The following RAB31 variants were observed in gnomAD, a reference collection of about 807,000 sequenced individuals.
RAB31 encodes the protein RAB31, member RAS oncogene family.
In RAB31, 21 loss-of-function variants were observed where a neutral mutation model predicts 25.6. The observed-to-expected ratio is 0.82, with a 90% CI of 0.58 to 1.18. The LOEUF (loss-of-function observed/expected upper bound fraction) is 1.18, where lower values mean the gene tolerates loss of function less well. Ranked by LOEUF, RAB31 falls within the 50% of genes most tolerant of loss-of-function variation. The pLI, the probability that RAB31 is intolerant of heterozygous loss-of-function variation, is 0.00. For synonymous variants in RAB31, 87 were observed against 84.0 expected (o/e 1.04, Z -0.20); for missense variants, 196 against 250.1 (o/e 0.78, Z 1.46).
intron 3 of RAB31, among the ~76,000 whole-genome samples, chr18:9,795,097 G>A (rs887976029): frequency 1.3e-5 from 2 of 152,138 alleles, no homozygotes; most frequent in Non-Finnish European, 2.9e-5. Context: ...AATACTTACA[G>A]TCAACTGATC....
At chr18:9,844,320 G>A (rs1165352079) in intron 5 of RAB31, among the ~76,000 whole-genome samples, 1 of 152,164 alleles carries the variant, frequency 6.6e-6, no homozygotes, top group Non-Finnish European at 1.5e-5. Context: ...CCCCAGCAGT[G>A]CTGGGTGCAG....
intron 6 of RAB31, among the ~76,000 whole-genome samples, chr18:9,853,646 G>A (rs2068800066): frequency 2.0e-5 from 3 of 152,154 alleles, no homozygotes; most frequent in South Asian, 4.1e-4. Flanking sequence ...AATATACAGT[G>A]CCAAAACGGA....
At chr18:9,828,633 A>G (rs2068662102) in intron 5 of RAB31, among the ~76,000 whole-genome samples, 1 of 152,226 alleles carries the variant, frequency 6.6e-6, no homozygotes, top group Non-Finnish European at 1.5e-5. Context: ...CTTTTTACTA[A>G]GAATAATAAA....
intron 6 of RAB31, among the ~76,000 whole-genome samples, chr18:9,857,206 T>G (rs1165440578): frequency 6.6e-6 from 1 of 152,202 alleles, no homozygotes. Flanking sequence ...CTTTTGAGTT[T>G]GGAGTTAAAT....
intron 5 of RAB31, among the ~76,000 whole-genome samples, chr18:9,835,630 G>C (rs118098936): frequency 6.6e-6 from 1 of 152,152 alleles, no homozygotes; most frequent in Non-Finnish European, 1.5e-5. Flanking sequence ...TTCTTTGCTG[G>C]TACACGGTTG....
At chr18:9,809,695 G>T (rs1304562989) in intron 3 of RAB31, among the ~76,000 whole-genome samples, 2 of 152,140 alleles carry the variant, frequency 1.3e-5, no homozygotes, top group African/African-American at 2.4e-5. Flanking sequence ...AAATTTATGT[G>T]TCCATTCTTT....
At chr18:9,729,652 C>G (rs1443246980) in intron 1 of RAB31, among the ~76,000 whole-genome samples, 1 of 150,930 alleles carries the variant, frequency 6.6e-6, no homozygotes, top group East Asian at 1.9e-4. Context: ...AGTCTCCCCT[C>G]CCCCACCCCC....
intron 5 of RAB31, among the ~76,000 whole-genome samples, chr18:9,843,670 C>T (rs938298999): frequency 6.6e-6 from 1 of 152,052 alleles, no homozygotes; most frequent in South Asian, 2.1e-4. Flanking sequence ...AAAACTCCAG[C>T]ATAATCCCTG....
At position 9,859,878 on chromosome 18, in the gene RAB31, T is replaced by C. The variant is rs2068838604; in HGVS notation, c.*553T>C. On this transcript the variant is annotated 3_prime_UTR_variant, in exon 7 of 7. Transcript: ENST00000578921. ...ATGGACCGTCACTCAGACTGAGACT[T>C]GAGTTATTACAGAAGCCAGGAAAAG... 6.6e-6 allele frequency: 1 copy of C among 152,248 alleles called. No individual in the cohort carries two copies. The highest frequency in any genetic ancestry group is 2.1e-4 in the South Asian group (1 of 4,836). 9.4% of individuals were successfully genotyped at this position (152,248 alleles called of 1,614,324 possible).
At chr18:9,775,980 G>C (rs2068370401) in intron 2 of RAB31, among the ~76,000 whole-genome samples, 1 of 152,022 alleles carries the variant, frequency 6.6e-6, no homozygotes, top group South Asian at 2.1e-4. Flanking sequence ...AGTAGAGATG[G>C]GGTTTCACCA....
At chr18:9,779,824 T>C (rs2145493320) in intron 2 of RAB31, among the ~76,000 whole-genome samples, 1 of 152,266 alleles carries the variant, frequency 6.6e-6, no homozygotes, top group African/African-American at 2.4e-5. Context: ...CTTACACAGG[T>C]GACTCAACTT....
At chr18:9,747,583 A>G (rs1054179209) in intron 1 of RAB31, among the ~76,000 whole-genome samples, 1 of 152,224 alleles carries the variant, frequency 6.6e-6, no homozygotes, top group Non-Finnish European at 1.5e-5. Context: ...TGAAAACATT[A>G]TACTAAATGA....
intron 1 of RAB31, among the ~76,000 whole-genome samples, chr18:9,773,102 G>C (rs1476338252): frequency 6.6e-6 from 1 of 152,148 alleles, no homozygotes; most frequent in Non-Finnish European, 1.5e-5. Context: ...TTAGGGCTCA[G>C]GGTCAGTGCA....
At position 9,766,424 on chromosome 18, in the gene RAB31, G is replaced by A. The variant is rs185287081; in HGVS notation, c.40-8854G>A. ...CCACACAAGGACCTGCCTGGCAGGC[G>A]GGGTGGGCTGAGGCGGGCGGGTGGG... On this transcript the variant is annotated intron_variant, in intron 1 of 6. Transcript: ENST00000578921. This position sits in a 1 kb window ranked among gnomAD's most constrained non-coding sequence, Gnocchi z 4.3. Among the ~76,000 whole-genome samples, 3 of 152,350 alleles carry A rather than the reference G, an allele frequency of 2.0e-5. No homozygotes were observed. Among genetic ancestry groups the A allele is most frequent in the East Asian group, 1.9e-4 (1 of 5,182 alleles).
At position 9,832,226 on chromosome 18, in the gene RAB31, G is replaced by A. The variant is rs900628595; in HGVS notation, c.381-13356G>A. On this transcript the variant is annotated intron_variant, in intron 5 of 6. Transcript: ENST00000578921. Reference sequence around the variant, plus strand: ...AAGATGCAGCCAGCACCCCAGGCCGGTGGTGGCCTCACATCACCCATGCCA... The same window carrying A: ...AAGATGCAGCCAGCACCCCAGGCCGATGGTGGCCTCACATCACCCATGCCA... Among the ~76,000 whole-genome samples the A allele has an allele frequency of 3.3e-5, 5 of 152,234 alleles. No homozygotes were observed. In the South Asian group the frequency reaches 8.3e-4, roughly 25 times the overall value.
chr18:9,802,472 C>G (rs889425295), intron 3 of RAB31, among the ~76,000 whole-genome samples: 3 of 152,150 alleles, frequency 2.0e-5, no homozygotes, highest in African/African-American at 7.2e-5. Flanking sequence ...CCCAGGAGTT[C>G]AAGATAAGCC....
chr18:9,776,521 A>T (rs2068372976), intron 2 of RAB31, among the ~76,000 whole-genome samples: 1 of 152,158 alleles, frequency 6.6e-6, no homozygotes. Context: ...ACTTAAAGAA[A>T]CATACTCATG....
chr18:9,716,669 G>T (rs747680814), intron 1 of RAB31, among the ~76,000 whole-genome samples: 2 of 152,162 alleles, frequency 1.3e-5, no homozygotes, highest in African/African-American at 2.4e-5. Flanking sequence ...CTGAGCTGTG[G>T]AGAGGAGAGT....
chr18:9,839,217 G>A (rs2068720051), intron 5 of RAB31, among the ~76,000 whole-genome samples: 1 of 152,194 alleles, frequency 6.6e-6, no homozygotes, highest in African/African-American at 2.4e-5. Context: ...AGGAGGCCGT[G>A]TGAGATGTTG....
Sources: gnomAD v4.1 joint callset for allele counts (sites outside exome capture counted in the v4.1 genomes callset) on GRCh38, gnomAD v4.1.1 for gene constraint, Gnocchi (gnomAD v3.1) non-coding constraint, MANE v1.5 for transcripts, NCBI Gene and HGNC (gene_info 2026-07-23, HGNC 2026-07-21) for gene names.